Variants in UBE2QL1 observed in about 807,000 individuals in gnomAD.
The protein encoded by UBE2QL1 is ubiquitin-conjugating enzyme E2Q-like protein 1.
Under a neutral mutation model 12.6 loss-of-function variants are expected in UBE2QL1, and 5 were observed. The observed-to-expected ratio is 0.40, with a 90% CI of 0.21 to 0.83. UBE2QL1 has a LOEUF of 0.83. Ranked by LOEUF, UBE2QL1 falls within the 40% of genes least tolerant of loss-of-function variation. The probability of loss-of-function intolerance (pLI) is 0.37; values close to 1 mark genes in which losing one functional copy is unlikely to be tolerated. For missense variants in UBE2QL1, 99 were observed against 222.6 expected (o/e 0.44, Z 3.53); for synonymous variants, 96 against 94.5 (o/e 1.02, Z -0.10).
At chr5:6,489,824 C>T (rs1470893618) in intron 1 of UBE2QL1, among the ~76,000 whole-genome samples, 1 of 152,200 alleles carries the variant, frequency 6.6e-6, no homozygotes, top group Non-Finnish European at 1.5e-5. Context: ...TATGGCTGTC[C>T]AAGGCACCTG....
In UBE2QL1 at chr5:6,491,473, CAGG is replaced by C; in HGVS notation, c.*127_*129del. The stretch of plus-strand genomic sequence containing the variant: ...CAGCCAGAACTGCATCCTGAATGCC[CAGG>C]AGACGTTTAAGTTATTTATGAAAAG... On this transcript the variant is annotated 3_prime_UTR_variant, in exon 2 of 2. Transcript: ENST00000399816. 1 of 1,289,722 alleles carries C rather than the reference CAGG, an allele frequency of 7.8e-7. No individual in the cohort carries two copies. Among genetic ancestry groups the C allele is most frequent in the Non-Finnish European group, 1.0e-6 (1 of 973,470 alleles). 79.9% of individuals were successfully genotyped at this position (1,289,722 alleles called of 1,614,324 possible). A position where few individuals can be genotyped will look rare whatever the true frequency, so the allele number is the denominator to read the frequency against.
rs138932266 is a variant in UBE2QL1, at chr5:6,479,691, G to A, written c.355-11527G>A. Among the ~76,000 whole-genome samples the A allele has an allele frequency of 3.0e-3, 457 of 152,244 alleles. 1 individual carries two copies. The highest frequency in any genetic ancestry group is 0.011 in the African/African-American group (438 of 41,546). On this transcript the variant is annotated intron_variant, in intron 1 of 1. Coordinates refer to ENST00000399816, the MANE Select transcript of UBE2QL1 (RefSeq NM_001145161.3). The surrounding 1 kb of genome is among the most constrained non-coding windows in gnomAD (Gnocchi z 4.2). ...CTCCTTTGTGCTGAGTAAGTGTTTCGGCCTTGAGAGTGGAGTGCAGCATCC... is the reference window on the plus strand; with the variant it reads ...CTCCTTTGTGCTGAGTAAGTGTTTCAGCCTTGAGAGTGGAGTGCAGCATCC...
At chr5:6,489,694 T>A (rs1290714307) in intron 1 of UBE2QL1, among the ~76,000 whole-genome samples, 1 of 152,194 alleles carries the variant, frequency 6.6e-6, no homozygotes, top group African/African-American at 2.4e-5. Context: ...GTCTGCCCAG[T>A]AGATTTAGAG....
intron 1 of UBE2QL1, among the ~76,000 whole-genome samples, chr5:6,485,597 G>C (rs141379332): frequency 0.012 from 1,788 of 152,276 alleles, 23 homozygotes; most frequent in African/African-American, 0.038. Flanking sequence ...AAGGTTACGA[G>C]TGCTTTTAGA....
At chr5:6,477,996 T>C (rs1049627726) in intron 1 of UBE2QL1, among the ~76,000 whole-genome samples, 3 of 152,134 alleles carry the variant, frequency 2.0e-5, no homozygotes, top group Admixed American at 6.5e-5. Context: ...GGGGCATAAA[T>C]TAAATCTCAC....
At chr5:6,456,265 A>G (rs997261167) in intron 1 of UBE2QL1, among the ~76,000 whole-genome samples, 2 of 152,214 alleles carry the variant, frequency 1.3e-5, no homozygotes, top group African/African-American at 4.8e-5. Flanking sequence ...GGATCTGACA[A>G]TAGACAGTGG....
chr5:6,481,092 A>T lies in UBE2QL1; in HGVS notation c.355-10126A>T, dbSNP rs1371593725. Among the ~76,000 whole-genome samples, 1 of 152,242 alleles carries T rather than the reference A, an allele frequency of 6.6e-6. No homozygotes were observed. The highest frequency in any genetic ancestry group is 2.4e-5 in the African/African-American group (1 of 41,454). ...AAACCAAGTAACCATCACACATCTC[A>T]GATGACTGTTTTTCAAGAGTTGGCC... On this transcript the variant is annotated intron_variant, in intron 1 of 1. Coordinates refer to ENST00000399816, the MANE Select transcript of UBE2QL1 (RefSeq NM_001145161.3). The surrounding 1 kb of genome is among the most constrained non-coding windows in gnomAD (Gnocchi z 4.5).
chr5:6,462,180 C>G (rs1280885058), intron 1 of UBE2QL1, among the ~76,000 whole-genome samples: 1 of 152,178 alleles, frequency 6.6e-6, no homozygotes, highest in Non-Finnish European at 1.5e-5. Context: ...AAAAGACAAT[C>G]TCAACCTAGG....
rs1367051433 is a variant in UBE2QL1 at position 6,493,981 on chromosome 5, GGACA to G, written c.*2638_*2641del. ...CAAGCCAAGGAACCTATTCCTCTTTGGACAGACAGCGAGGGAATAATCAGACAGT... is the reference window on the plus strand; with the variant it reads ...CAAGCCAAGGAACCTATTCCTCTTTGGACAGCGAGGGAATAATCAGACAGT... On this transcript the variant is annotated 3_prime_UTR_variant, in exon 2 of 2. Transcript: ENST00000399816. The G allele has an allele frequency of 6.6e-6, 1 of 152,200 alleles. No homozygotes were observed. Among genetic ancestry groups the G allele is most frequent in the Non-Finnish European group, 1.5e-5 (1 of 68,058 alleles). 9.4% of individuals were successfully genotyped at this position (152,200 alleles called of 1,614,324 possible).
intron 1 of UBE2QL1, among the ~76,000 whole-genome samples, chr5:6,474,796 G>A (rs1016991027): frequency 1.3e-5 from 2 of 152,186 alleles, no homozygotes; most frequent in Non-Finnish European, 2.9e-5. Flanking sequence ...ATCACCTGGA[G>A]GTTCCATCCT....
intron 1 of UBE2QL1, among the ~76,000 whole-genome samples, chr5:6,482,623 C>A (rs1457376156): frequency 6.6e-6 from 1 of 151,798 alleles, no homozygotes; most frequent in Non-Finnish European, 1.5e-5. Context: ...GCTATTCAGC[C>A]CCCTAGGGAG....
intron 1 of UBE2QL1, among the ~76,000 whole-genome samples, chr5:6,482,127 A>C (rs908957157): frequency 6.6e-6 from 1 of 152,188 alleles, no homozygotes; most frequent in Admixed American, 6.5e-5. Context: ...ACCGTATGGC[A>C]ATGGAGGCAG....
intron 1 of UBE2QL1, among the ~76,000 whole-genome samples, chr5:6,477,630 A>G (rs1460648274): frequency 6.6e-5 from 10 of 152,228 alleles, no homozygotes; most frequent in African/African-American, 2.2e-4. Flanking sequence ...CAACATCCAC[A>G]TGGAGACAGC....
At chr5:6,463,640 A>ATTATTT (rs1379557896) in intron 1 of UBE2QL1, among the ~76,000 whole-genome samples, 31 of 143,834 alleles carry the variant, frequency 2.2e-4, no homozygotes, top group Non-Finnish European at 3.9e-4. Flanking sequence ...TATTATTATT[A>ATTATTT]TTTTTGATGC....
At chr5:6,485,208 CCTT>C (rs1230419782) in intron 1 of UBE2QL1, among the ~76,000 whole-genome samples, 1 of 152,156 alleles carries the variant, frequency 6.6e-6, no homozygotes, top group Non-Finnish European at 1.5e-5. Context: ...GCTATATTCA[CCTT>C]CTCTGGATCC....
chr5:6,449,746 C>T (rs1316610281), intron 1 of UBE2QL1, among the ~76,000 whole-genome samples: 1 of 151,612 alleles, frequency 6.6e-6, no homozygotes, highest in African/African-American at 2.4e-5. Context: ...TCCGTCTCAC[C>T]TTTTCTCGCC....
intron 1 of UBE2QL1, among the ~76,000 whole-genome samples, chr5:6,475,647 G>A (rs1734213325): frequency 6.6e-6 from 1 of 150,814 alleles, no homozygotes; most frequent in South Asian, 2.1e-4. Flanking sequence ...AGAAACCAGT[G>A]TGAGCCAAGG....
intron 1 of UBE2QL1, among the ~76,000 whole-genome samples, chr5:6,485,233 G>A (rs1214136305): frequency 6.6e-6 from 1 of 152,098 alleles, no homozygotes; most frequent in African/African-American, 2.4e-5. Flanking sequence ...TCTGTTTCCT[G>A]TCTCATCCGA....
chr5:6,488,551 C>T (rs1393184053), intron 1 of UBE2QL1, among the ~76,000 whole-genome samples: 5 of 138,210 alleles, frequency 3.6e-5, no homozygotes, highest in Non-Finnish European at 1.5e-5. Context: ...ATAATCCTAA[C>T]ACTGAGAAAT....
Sources: gnomAD v4.1 joint callset for allele counts (sites outside exome capture counted in the v4.1 genomes callset) on GRCh38, gnomAD v4.1.1 for gene constraint, Gnocchi (gnomAD v3.1) non-coding constraint, MANE v1.5 for transcripts, NCBI Gene and HGNC (gene_info 2026-07-23, HGNC 2026-07-21) for gene names.